SCFD2: variants seen among roughly 807,000 people sequenced by gnomAD.
SCFD2 encodes the protein sec1 family domain containing 2, also known as sec1 family domain-containing protein 2.
In SCFD2, 54 loss-of-function variants were observed where a neutral mutation model predicts 58.9. The ratio of observed to expected loss-of-function variants is 0.92; its 90% CI spans 0.74 to 1.15. The LOEUF is 1.15. Among genes scored for constraint, SCFD2 ranks in the 50% most tolerant of loss-of-function variants. The pLI is 0.00. For missense variants in SCFD2, 805 were observed against 836.6 expected (o/e 0.96, Z 0.47); for synonymous variants, 321 against 335.9 (o/e 0.96, Z 0.49).
intron 4 of SCFD2, among the ~76,000 whole-genome samples, chr4:53,200,970 T>C (rs1175083134): frequency 6.6e-6 from 1 of 151,598 alleles, no homozygotes; most frequent in Non-Finnish European, 1.5e-5. Context: ...ATAAGGTTGA[T>C]ATGATTTATA....
At chr4:53,075,742 G>A (rs1294212528) in intron 5 of SCFD2, among the ~76,000 whole-genome samples, 1 of 152,120 alleles carries the variant, frequency 6.6e-6, no homozygotes, top group Non-Finnish European at 1.5e-5. Context: ...TGTCTTACAT[G>A]GGGGTAGTTC....
At chr4:53,298,773 C>T (rs1484616184) in intron 3 of SCFD2, among the ~76,000 whole-genome samples, 1 of 152,178 alleles carries the variant, frequency 6.6e-6, no homozygotes, top group East Asian at 1.9e-4. Context: ...CAGGCAGCAG[C>T]ATTTGCAGTT....
intron 5 of SCFD2, among the ~76,000 whole-genome samples, chr4:53,117,809 T>A (rs1725367849): frequency 6.9e-6 from 1 of 145,956 alleles, no homozygotes; most frequent in Non-Finnish European, 1.5e-5. Context: ...CAATTTTATA[T>A]AAATAGAGTC....
intron 4 of SCFD2, among the ~76,000 whole-genome samples, chr4:53,249,833 C>T (rs903149321): frequency 6.6e-6 from 1 of 152,160 alleles, no homozygotes; most frequent in African/African-American, 2.4e-5. Context: ...CCGGTACCAG[C>T]CACTGAAAAA....
intron 4 of SCFD2, among the ~76,000 whole-genome samples, chr4:53,230,811 G>T (rs1235959725): frequency 1.3e-5 from 2 of 151,652 alleles, no homozygotes; most frequent in Non-Finnish European, 2.9e-5. Flanking sequence ...TCTGAATCAG[G>T]TATTGAAATC....
rs1477086791 is a variant in SCFD2 at position 53,025,980 on chromosome 4, G to A, written c.1562-105110C>T. 2.0e-5 allele frequency among the ~76,000 whole-genome samples: 3 copies of A among 151,886 alleles called. No individual in the cohort carries two copies. In the East Asian group the frequency reaches 5.8e-4, roughly 29 times the overall value. On this transcript the variant is annotated intron_variant, in intron 5 of 8. Transcript: ENST00000401642. Reference sequence around the variant, plus strand: ...GTTCTTATGTACTTTCATGAACATGGATATGTAAATGACTACGGTTTTTCA... The same window carrying A: ...GTTCTTATGTACTTTCATGAACATGAATATGTAAATGACTACGGTTTTTCA...
At chr4:53,048,266 AC>A (rs1157029565) in intron 5 of SCFD2, among the ~76,000 whole-genome samples, 1 of 151,848 alleles carries the variant, frequency 6.6e-6, no homozygotes, top group African/African-American at 2.4e-5. Context: ...CATGAGAACC[AC>A]TTGAACCTGG....
intron 8 of SCFD2, 130 bp downstream of exon 8, chr4:52,885,617 G>T: frequency 9.2e-7 from 1 of 1,084,350 alleles, no homozygotes; most frequent in Non-Finnish European, 1.4e-6. Context: ...AGGAGGGAGG[G>T]AACAAAGCCA....
intron 4 of SCFD2, among the ~76,000 whole-genome samples, chr4:53,205,854 T>G (rs1728390403): frequency 6.7e-6 from 1 of 149,662 alleles, no homozygotes; most frequent in East Asian, 1.9e-4. Context: ...TGAGCGAGAC[T>G]GTCTCAAAAA....
chr4:53,141,311 A>G (rs1726156771), intron 5 of SCFD2, among the ~76,000 whole-genome samples: 1 of 152,188 alleles, frequency 6.6e-6, no homozygotes, highest in African/African-American at 2.4e-5. Context: ...TCAAAAAGGG[A>G]AATGTATACA....
At chr4:53,304,042 T>G (rs1446310208) in intron 3 of SCFD2, among the ~76,000 whole-genome samples, 1 of 151,464 alleles carries the variant, frequency 6.6e-6, no homozygotes, top group Non-Finnish European at 1.5e-5. Context: ...ACTTGGCACA[T>G]GTATATATAT....
intron 4 of SCFD2, among the ~76,000 whole-genome samples, chr4:53,259,581 G>A (rs1306325098): frequency 6.6e-6 from 1 of 152,126 alleles, no homozygotes; most frequent in Non-Finnish European, 1.5e-5. Context: ...TGGTCTATGT[G>A]CCTATTTTTA....
At chr4:52,899,118 A>T (rs536229224) in intron 7 of SCFD2, among the ~76,000 whole-genome samples, 1 of 152,246 alleles carries the variant, frequency 6.6e-6, no homozygotes, top group Admixed American at 6.5e-5. Context: ...GCCAGTCTGT[A>T]CCTTTTAATT....
chr4:53,103,830 C>T (rs567910853), intron 5 of SCFD2, among the ~76,000 whole-genome samples: 42 of 127,884 alleles, frequency 3.3e-4, no homozygotes, highest in African/African-American at 1.2e-3. Flanking sequence ...AAAAAAATGC[C>T]GTAAGGGTTG....
intron 5 of SCFD2, among the ~76,000 whole-genome samples, chr4:53,060,714 A>G (rs1391933625): frequency 6.6e-6 from 1 of 152,108 alleles, no homozygotes; most frequent in Non-Finnish European, 1.5e-5. Flanking sequence ...ATATATATGT[A>G]CTTTTGTTGT....
chr4:53,330,488 C>A (rs931062627), intron 2 of SCFD2, among the ~76,000 whole-genome samples: 1 of 152,070 alleles, frequency 6.6e-6, no homozygotes, highest in Non-Finnish European at 1.5e-5. Context: ...TCACATCCAG[C>A]CAAACTAAGC....
chr4:53,177,309 G>A (rs539364212), intron 4 of SCFD2, among the ~76,000 whole-genome samples: 2 of 152,268 alleles, frequency 1.3e-5, no homozygotes, highest in East Asian at 1.9e-4. Flanking sequence ...CATGCTTGGG[G>A]CACCCAATCC....
At chr4:53,278,469 G>A (rs1731404122) in intron 3 of SCFD2, among the ~76,000 whole-genome samples, 1 of 151,602 alleles carries the variant, frequency 6.6e-6, no homozygotes, top group African/African-American at 2.4e-5. Context: ...TTGAACCTGG[G>A]AAGTGGCCAA....
intron 5 of SCFD2, among the ~76,000 whole-genome samples, chr4:52,959,897 AACACACAC>A (rs10529140): frequency 2.9e-5 from 4 of 138,114 alleles, no homozygotes; most frequent in Non-Finnish European, 6.3e-5. Flanking sequence ...TCCAAATTGA[AACACACAC>A]ACACACACAC....
Sources: gnomAD v4.1 joint callset for allele counts (sites outside exome capture counted in the v4.1 genomes callset) on GRCh38, gnomAD v4.1.1 for gene constraint, MANE v1.5 for transcripts, NCBI Gene and HGNC (gene_info 2026-07-23, HGNC 2026-07-21) for gene names.